The following SLC24A3 variants were observed in gnomAD, a reference collection of about 807,000 sequenced individuals.
SLC24A3 encodes solute carrier family 24 member 3, also known as sodium/potassium/calcium exchanger 3.
In SLC24A3, 28 loss-of-function variants were observed where a neutral mutation model predicts 75.8. The observed-to-expected ratio is 0.37, with a 90% confidence interval of 0.27 to 0.51. The LOEUF (loss-of-function observed/expected upper bound fraction) is 0.51. Among genes scored for constraint, SLC24A3 ranks in the 20% least tolerant of loss-of-function variants. The pLI is 0.94. For synonymous variants in SLC24A3, 372 were observed against 334.1 expected (o/e 1.11, Z -1.24); for missense variants, 663 against 847.8 (o/e 0.78, Z 2.71).
chr20:19,665,577 G>A (rs369269622), intron 7 of SLC24A3, among the ~76,000 whole-genome samples: 7 of 152,314 alleles, frequency 4.6e-5, no homozygotes, highest in African/African-American at 1.7e-4. Flanking sequence ...TCACTCTGAT[G>A]TTGTACAGAA....
At chr20:19,627,937 C>G (rs899414161) in intron 6 of SLC24A3, among the ~76,000 whole-genome samples, 3 of 151,904 alleles carry the variant, frequency 2.0e-5, no homozygotes, top group Non-Finnish European at 4.4e-5. Context: ...GTGGCTCACT[C>G]CTGTAATCCC....
intron 1 of SLC24A3, among the ~76,000 whole-genome samples, chr20:19,228,421 C>T (rs1245101143): frequency 1.3e-5 from 2 of 152,070 alleles, no homozygotes; most frequent in African/African-American, 2.4e-5. Flanking sequence ...GGGCGGATCA[C>T]GAGGTCAGGA....
intron 12 of SLC24A3, among the ~76,000 whole-genome samples, chr20:19,688,357 C>T (rs1415961872): frequency 6.6e-6 from 1 of 152,190 alleles, no homozygotes; most frequent in Non-Finnish European, 1.5e-5. Flanking sequence ...CCCGGGTCTG[C>T]CTTTGAAAAG....
chr20:19,351,087 G>T (rs6106062), intron 2 of SLC24A3, among the ~76,000 whole-genome samples: 29 of 152,162 alleles, frequency 1.9e-4, no homozygotes, highest in African/African-American at 6.0e-4. Context: ...GGTGGCCAAT[G>T]GTCCAGGCCC....
intron 16 of SLC24A3, among the ~76,000 whole-genome samples, chr20:19,718,105 T>A (rs184880745): frequency 2.6e-4 from 40 of 152,368 alleles, no homozygotes; most frequent in African/African-American, 8.7e-4. Flanking sequence ...ACATGAAGCA[T>A]CCATTAACAT....
At chr20:19,551,472 A>C (rs1486386587) in intron 3 of SLC24A3, among the ~76,000 whole-genome samples, 1 of 152,222 alleles carries the variant, frequency 6.6e-6, no homozygotes, top group Non-Finnish European at 1.5e-5. Flanking sequence ...GTGGTATTTT[A>C]AATGAATTAT....
chr20:19,323,718 A>T (rs1434893470), intron 2 of SLC24A3, among the ~76,000 whole-genome samples: 1 of 152,168 alleles, frequency 6.6e-6, no homozygotes, highest in Non-Finnish European at 1.5e-5. Context: ...ATTTTATGGA[A>T]CCTTCTATCA....
intron 2 of SLC24A3, among the ~76,000 whole-genome samples, chr20:19,295,685 T>C (rs1365414205): frequency 6.6e-6 from 1 of 152,240 alleles, no homozygotes; most frequent in Non-Finnish European, 1.5e-5. Flanking sequence ...GAACCAGCCT[T>C]GCATCAGGGA....
intron 2 of SLC24A3, among the ~76,000 whole-genome samples, chr20:19,296,497 T>C (rs1257285053): frequency 6.6e-6 from 1 of 152,152 alleles, no homozygotes; most frequent in Non-Finnish European, 1.5e-5. Context: ...GTGTTATATA[T>C]TTCCCTCTTA....
intron 1 of SLC24A3, among the ~76,000 whole-genome samples, chr20:19,217,064 C>T (rs1981579707): frequency 6.6e-6 from 1 of 152,242 alleles, no homozygotes; most frequent in Non-Finnish European, 1.5e-5. Context: ...ATGTGGCTCA[C>T]TTTGAACTCC....
chr20:19,363,123 G>A lies in SLC24A3; in HGVS notation c.271+82036G>A, dbSNP rs530982449. ...TCCATGTTTGCACGTCCTGCTGCTC[G>A]TCACTCCATCCCCCGAGGCCCCTCA... On this transcript the variant is annotated intron_variant, in intron 2 of 16. Transcript: ENST00000328041. Among the ~76,000 whole-genome samples, 25 of 152,282 alleles carry A rather than the reference G, an allele frequency of 1.6e-4. No homozygotes were observed. In the South Asian group the frequency reaches 2.9e-3, roughly 18 times the overall value.
At chr20:19,343,990 A>G (rs1297852966) in intron 2 of SLC24A3, among the ~76,000 whole-genome samples, 2 of 152,202 alleles carry the variant, frequency 1.3e-5, no homozygotes, top group Non-Finnish European at 2.9e-5. Flanking sequence ...TGATCTGGAA[A>G]TATTTCAGAC....
chr20:19,543,316 C>T (rs982737040), intron 3 of SLC24A3, among the ~76,000 whole-genome samples: 3 of 152,276 alleles, frequency 2.0e-5, no homozygotes, highest in Admixed American at 6.5e-5. Flanking sequence ...AAGAAAAAAC[C>T]GGATACCAGT....
Position 19,684,340 on chromosome 20 carries a change from C to A in SLC24A3, c.1062+4C>A. ...CAGTCGCATGTTGATCAATGAGGTA[C>A]CTGGGAAAGCACTGTCCACTGCCCA... On this transcript the variant is annotated splice_donor_region_variant and intron_variant, in intron 11 of 16. Transcript: ENST00000328041. 6.2e-7 allele frequency: 1 copy of A among 1,612,346 alleles called. No homozygotes were observed. Among genetic ancestry groups the A allele is most frequent in the Non-Finnish European group, 8.5e-7 (1 of 1,179,094 alleles).
intron 6 of SLC24A3, among the ~76,000 whole-genome samples, chr20:19,589,466 C>T (rs2031342859): frequency 6.6e-6 from 1 of 152,076 alleles, no homozygotes; most frequent in Non-Finnish European, 1.5e-5. Context: ...AACCCCCAGG[C>T]AAAGAGATCT....
At chr20:19,270,911 G>A (rs1184574061) in intron 1 of SLC24A3, among the ~76,000 whole-genome samples, 1 of 152,162 alleles carries the variant, frequency 6.6e-6, no homozygotes, top group African/African-American at 2.4e-5. Context: ...TACAGATTGT[G>A]AAACCTGGGG....
chr20:19,484,402 A>G (rs1335004124), intron 2 of SLC24A3, among the ~76,000 whole-genome samples: 1 of 152,230 alleles, frequency 6.6e-6, no homozygotes, highest in African/African-American at 2.4e-5. Flanking sequence ...TACTTGTGGC[A>G]TCATGTTGAC....
At chr20:19,397,462 A>G (rs1035101891) in intron 2 of SLC24A3, among the ~76,000 whole-genome samples, 2 of 152,188 alleles carry the variant, frequency 1.3e-5, no homozygotes, top group Admixed American at 1.3e-4. Context: ...CCAGGAGTTG[A>G]GCAGTGTTTT....
chr20:19,532,799 C>T (rs193295865), intron 3 of SLC24A3, among the ~76,000 whole-genome samples: 2 of 152,294 alleles, frequency 1.3e-5, no homozygotes, highest in African/African-American at 4.8e-5. Context: ...GGGTAACTTG[C>T]CACAGCTGAA....
Sources: allele counts gnomAD v4.1 joint callset (sites outside exome capture counted in the v4.1 genomes callset), GRCh38; gene constraint gnomAD v4.1.1; transcripts MANE v1.5; gene names NCBI Gene and HGNC (gene_info 2026-07-23, HGNC 2026-07-21).